TC2N: variants seen among roughly 807,000 people sequenced by gnomAD.
The protein encoded by TC2N is tandem C2 domains, nuclear, also known as tandem C2 domains nuclear protein.
In TC2N, 51 loss-of-function variants were observed where a neutral mutation model predicts 61.9. The ratio of observed to expected loss-of-function variants is 0.82; its 90% confidence interval spans 0.66 to 1.04. The LOEUF (loss-of-function observed/expected upper bound fraction) is 1.04, where lower values mean the gene tolerates loss of function less well. TC2N is among the 50% of genes least tolerant of loss of function. The pLI is 0.00. For synonymous variants in TC2N, 204 were observed against 192.6 expected, an observed-to-expected ratio of 1.06 and a Z score of -0.49; for missense variants, 556 against 566.7, an observed-to-expected ratio of 0.98 and a Z score of 0.19.
chr14:91,844,803 TGGCAGG>T (rs1566788187), intron 1 of TC2N, among the ~76,000 whole-genome samples: 2 of 148,172 alleles, frequency 1.3e-5, no homozygotes, highest in Non-Finnish European at 3.0e-5. Flanking sequence ...CTTATGTTAC[TGGCAGG>T]GACCAGGGTC....
rs57029330 is a variant in TC2N, at chr14:91,830,908, G to C, written c.-56-17083C>G. Among the ~76,000 whole-genome samples, 671 of 152,082 alleles carry C rather than the reference G, an allele frequency of 4.4e-3. 3 individuals are homozygous for C. The highest frequency in any genetic ancestry group is 0.016 in the African/African-American group (649 of 41,496). ...TTCAAGGAGGTAGAGTGAGTTTTTC[G>C]CCCTTCTCGTGACATCACAGCCCTT... On this transcript the variant is annotated intron_variant, in intron 1 of 11. Transcript: ENST00000435962.
intron 8 of TC2N, among the ~76,000 whole-genome samples, chr14:91,795,661 G>C (rs1471627017): frequency 6.6e-6 from 1 of 152,070 alleles, no homozygotes; most frequent in Non-Finnish European, 1.5e-5. Context: ...ACAGTATAAA[G>C]ATAACTTTTG....
intron 1 of TC2N, among the ~76,000 whole-genome samples, chr14:91,814,322 G>T (rs1390861208): frequency 1.3e-5 from 2 of 148,764 alleles, no homozygotes; most frequent in African/African-American, 2.5e-5. Flanking sequence ...GAATTAGGAA[G>T]AAATGTTTGG....
intron 1 of TC2N, among the ~76,000 whole-genome samples, chr14:91,817,509 A>G (rs1221034148): frequency 6.6e-6 from 1 of 152,084 alleles, no homozygotes. Flanking sequence ...CTCAAAAACA[A>G]TATTGTACTC....
Position 91,837,194 on chromosome 14 carries a change from A to C in TC2N, c.-56-23369T>G, listed in dbSNP as rs1279228920. On this transcript the variant is annotated intron_variant, in intron 1 of 11. Transcript: ENST00000435962. The surrounding 1 kb of genome is among the most constrained non-coding windows in gnomAD (Gnocchi z 4.2). ...CACTGCTTGGAAATGAGTTTCCTAG[A>C]CTGTCTGATGAAGAATGGCTTAGCA... is the stretch of plus-strand genomic sequence containing the variant. Among the ~76,000 whole-genome samples the C allele has an allele frequency of 6.6e-6, 1 of 152,088 alleles. No individual in the cohort carries two copies. Among genetic ancestry groups the C allele is most frequent in the Non-Finnish European group, 1.5e-5 (1 of 68,006 alleles).
intron 1 of TC2N, among the ~76,000 whole-genome samples, chr14:91,844,530 G>A (rs549458738): frequency 2.0e-5 from 3 of 151,914 alleles, no homozygotes; most frequent in East Asian, 1.9e-4. Context: ...GTGGGAGGCC[G>A]AGGCGGGCAG....
chr14:91,815,179 A>G (rs1462707254), intron 1 of TC2N, among the ~76,000 whole-genome samples: 1 of 151,622 alleles, frequency 6.6e-6, no homozygotes, highest in Non-Finnish European at 1.5e-5. Flanking sequence ...GTATAACTAA[A>G]ACAATTTTTC....
intron 1 of TC2N, among the ~76,000 whole-genome samples, chr14:91,817,859 T>G (rs1887073482): frequency 6.6e-6 from 1 of 152,070 alleles, no homozygotes; most frequent in Non-Finnish European, 1.5e-5. Context: ...CTAATTAAAA[T>G]GAACACCCAG....
chr14:91,800,320 A>T lies in TC2N; in HGVS notation c.522T>A (p.Ser174=). 6.2e-7 allele frequency: 1 copy of T among 1,605,626 alleles called. No homozygotes were observed. The highest frequency in any genetic ancestry group is 8.5e-7 in the Non-Finnish European group (1 of 1,175,492). ...KLPGSPGLSK[S]MFDLTNSSQR... ...GAGATGAGTTTGTAAGATCAAACAT[A>T]GATTTGCTTAGCCCAGGGGAACCGG... is the stretch of plus-strand genomic sequence containing the variant. The change falls in exon 5 of 12, where the codon TCT becomes TCA. Residue 174 remains serine (S), a synonymous_variant. Coordinates refer to ENST00000435962, the MANE Select transcript of TC2N (RefSeq NM_001128596.3).
intron 1 of TC2N, among the ~76,000 whole-genome samples, chr14:91,822,714 CTT>C (rs35093902): frequency 4.8e-5 from 6 of 125,398 alleles, no homozygotes; most frequent in South Asian, 2.6e-4. Flanking sequence ...TACTCATTAT[CTT>C]TTTTTTTTTT....
intron 1 of TC2N, among the ~76,000 whole-genome samples, chr14:91,856,518 A>C (rs1428041673): frequency 6.6e-6 from 1 of 151,008 alleles, no homozygotes; most frequent in African/African-American, 2.4e-5. Flanking sequence ...AGTTTAGGGA[A>C]GAAAAAAGGA....
At chr14:91,813,095 AAAG>A (rs1886853864) in intron 2 of TC2N, among the ~76,000 whole-genome samples, 1 of 151,770 alleles carries the variant, frequency 6.6e-6, no homozygotes, top group South Asian at 2.1e-4. Flanking sequence ...TTAATGTAAA[AAAG>A]AAGGCTTCAT....
intron 1 of TC2N, among the ~76,000 whole-genome samples, chr14:91,833,089 A>G (rs1001157756): frequency 3.3e-5 from 5 of 152,226 alleles, no homozygotes; most frequent in Admixed American, 1.3e-4. Flanking sequence ...GGAAAGAAAA[A>G]GATATAATCA....
intron 3 of TC2N, among the ~76,000 whole-genome samples, chr14:91,810,085 A>G (rs989825147): frequency 2.6e-5 from 4 of 152,208 alleles, no homozygotes; most frequent in African/African-American, 7.2e-5. Flanking sequence ...GAAGCTTACA[A>G]TCATGGCAGA....
At chr14:91,827,834 C>T (rs998936854) in intron 1 of TC2N, among the ~76,000 whole-genome samples, 3 of 152,144 alleles carry the variant, frequency 2.0e-5, no homozygotes, top group African/African-American at 7.2e-5. Flanking sequence ...TTATATTCTC[C>T]TGTTGCATAG....
chr14:91,833,080 G>A (rs902760428), intron 1 of TC2N, among the ~76,000 whole-genome samples: 1 of 152,126 alleles, frequency 6.6e-6, no homozygotes, highest in Non-Finnish European at 1.5e-5. Flanking sequence ...AAGGAGAGTG[G>A]AAAGAAAAAG....
At chr14:91,846,796 T>C (rs1181910466) in intron 1 of TC2N, among the ~76,000 whole-genome samples, 4 of 152,234 alleles carry the variant, frequency 2.6e-5, no homozygotes, top group Admixed American at 6.5e-5. Context: ...TTTGCTACAA[T>C]TGGCATTGTG....
chr14:91,831,561 C>T (rs1170777783), intron 1 of TC2N, among the ~76,000 whole-genome samples: 1 of 152,018 alleles, frequency 6.6e-6, no homozygotes, highest in Non-Finnish European at 1.5e-5. Context: ...AGCTTGGAAA[C>T]GACCACACAT....
At chr14:91,820,955 G>GCT (rs1433057499) in intron 1 of TC2N, among the ~76,000 whole-genome samples, 1 of 151,938 alleles carries the variant, frequency 6.6e-6, no homozygotes, top group African/African-American at 2.4e-5. Context: ...TTAAAGAAGA[G>GCT]CTCAATACTT....
Sources: allele counts gnomAD v4.1 joint callset (sites outside exome capture counted in the v4.1 genomes callset), GRCh38; gene constraint gnomAD v4.1.1; non-coding constraint Gnocchi (gnomAD v3.1); transcripts MANE v1.5; gene names NCBI Gene and HGNC (gene_info 2026-07-23, HGNC 2026-07-21).